The following TXNDC16 variants were observed in gnomAD, a reference collection of about 807,000 sequenced individuals.
TXNDC16 encodes thioredoxin domain containing 16.
In TXNDC16, 74 loss-of-function variants were observed where a neutral mutation model predicts 85.6. That is an observed-to-expected ratio of 0.86 (90% confidence interval 0.72 to 1.05). The LOEUF (loss-of-function observed/expected upper bound fraction) is 1.05, where lower values mean the gene tolerates loss of function less well. Ranked by LOEUF, TXNDC16 falls within the 50% of genes least tolerant of loss-of-function variation. The pLI is 0.00. For synonymous variants in TXNDC16, 335 were observed against 326.5 expected (o/e 1.03, Z -0.28); for missense variants, 959 against 947.0 (o/e 1.01, Z -0.17).
chr14:52,509,485 C>G (rs1219352507), intron 9 of TXNDC16, among the ~76,000 whole-genome samples: 1 of 118,642 alleles, frequency 8.4e-6, no homozygotes, highest in Non-Finnish European at 1.7e-5. Context: ...GACCTTTAAA[C>G]TGCTTTCTTT....
chr14:52,463,723 A>G (rs1370364900), intron 16 of TXNDC16, among the ~76,000 whole-genome samples: 1 of 152,208 alleles, frequency 6.6e-6, no homozygotes, highest in Non-Finnish European at 1.5e-5. Flanking sequence ...TTATAGAGAA[A>G]CCTTTAGTCT....
At chr14:52,485,914 A>T (rs1686697723) in intron 12 of TXNDC16, among the ~76,000 whole-genome samples, 2 of 152,078 alleles carry the variant, frequency 1.3e-5, no homozygotes, top group South Asian at 4.1e-4. Flanking sequence ...TTTCACTACA[A>T]CCTCAGCCAT....
rs2036944589 is a variant in TXNDC16, at chr14:52,511,174, G to T, written c.756+66C>A. The T allele has an allele frequency of 6.8e-6, 9 of 1,314,030 alleles. No homozygotes were observed. In the South Asian group the frequency reaches 1.9e-4, roughly 27 times the overall value. The allele number at this position is 1,314,030 out of a possible 1,614,324, so 81.4% of individuals were successfully genotyped here. ...CTTAACAAATTTTATGTTAAAATAA[G>T]ACACATACCTTTTGCAATTATACAG... On this transcript the variant is annotated intron_variant, in intron 9 of 20. Transcript: ENST00000281741.
In TXNDC16 at chr14:52,455,372, A is replaced by G. The variant is rs150548739; in HGVS notation, c.1794T>C (p.His598=). 1.4e-4 allele frequency: 230 copies of G among 1,614,004 alleles called. No individual in the cohort carries two copies. The highest frequency in any genetic ancestry group is 1.8e-4 in the Non-Finnish European group (217 of 1,179,900). Residue 598 remains histidine, a synonymous_variant, in exon 18 of 21, where the codon CAT becomes CAC. Coordinates refer to ENST00000281741, the MANE Select transcript of TXNDC16 (RefSeq NM_020784.3). Reference sequence around the variant, plus strand: ...TTATTATTTGAACTATGTCTTGTGCATGTGTGCTAGCTAGTGGGATGCTCT... The same window carrying G: ...TTATTATTTGAACTATGTCTTGTGCGTGTGTGCTAGCTAGTGGGATGCTCT... ...KIESIPLAST[H]AQDIVQIITD...
chr14:52,531,928 G>C (rs1197297142), intron 6 of TXNDC16, among the ~76,000 whole-genome samples: 1 of 152,046 alleles, frequency 6.6e-6, no homozygotes, highest in African/African-American at 2.4e-5. Flanking sequence ...TGTACTATCT[G>C]CTCAAATTTC....
At chr14:52,519,926 A>T (rs1439326941) in intron 6 of TXNDC16, among the ~76,000 whole-genome samples, 2 of 152,178 alleles carry the variant, frequency 1.3e-5, no homozygotes, top group Non-Finnish European at 2.9e-5. Flanking sequence ...ACTTATTACA[A>T]CTTATAATTA....
rs199871075 is a variant in TXNDC16 at position 52,488,831 on chromosome 14, G to GAAAAAAAAAAA, written c.985-356_985-346dup. Among the ~76,000 whole-genome samples the GAAAAAAAAAAA allele has an allele frequency of 7.5e-3, 673 of 89,560 alleles. 8 individuals carry two copies. The highest frequency in any genetic ancestry group is 0.013 in the Middle Eastern group (2 of 160). The allele number at this position is 89,560 out of a possible 152,430, so 58.8% of individuals were successfully genotyped here. ...CCTGGGCGACAAGGCGAGACTCTGGGAAAAAAAAAAAAAAAAAACAAGTTT... is the reference window on the plus strand; with the variant it reads ...CCTGGGCGACAAGGCGAGACTCTGGGAAAAAAAAAAAAAAAAAAAAAAAAAAAAACAAGTTT... On this transcript the variant is annotated intron_variant, in intron 11 of 20. Coordinates refer to ENST00000281741, the MANE Select transcript of TXNDC16 (RefSeq NM_020784.3).
At chr14:52,438,733 CTA>C (rs2035092881) in intron 20 of TXNDC16, among the ~76,000 whole-genome samples, 1 of 152,120 alleles carries the variant, frequency 6.6e-6, no homozygotes, top group Admixed American at 6.5e-5. Flanking sequence ...CAATAATGCA[CTA>C]TTTGTAAAAT....
At chr14:52,446,300 CAG>C (rs1457088167) in intron 18 of TXNDC16, among the ~76,000 whole-genome samples, 1 of 152,212 alleles carries the variant, frequency 6.6e-6, no homozygotes, top group Non-Finnish European at 1.5e-5. Flanking sequence ...GCATTGAACT[CAG>C]TGCTGCCCTG....
intron 6 of TXNDC16, among the ~76,000 whole-genome samples, chr14:52,526,138 T>C (rs1477659660): frequency 6.6e-6 from 1 of 152,170 alleles, no homozygotes; most frequent in Admixed American, 6.6e-5. Flanking sequence ...GAAGTAAAAT[T>C]TTCCTCACAT....
chr14:52,547,037 T>C (rs962323240), intron 1 of TXNDC16, among the ~76,000 whole-genome samples: 1 of 152,228 alleles, frequency 6.6e-6, no homozygotes, highest in South Asian at 2.1e-4. Context: ...GGAAGATAGA[T>C]TAGTACTGTG....
At chr14:52,522,454 A>C (rs760570374) in intron 6 of TXNDC16, among the ~76,000 whole-genome samples, 6 of 152,222 alleles carry the variant, frequency 3.9e-5, no homozygotes, top group Non-Finnish European at 7.3e-5. Context: ...CCTTGCTACA[A>C]GGCATGACTA....
intron 9 of TXNDC16, among the ~76,000 whole-genome samples, chr14:52,493,193 C>CTATATATATATATATATATATATA (rs555994196): frequency 7.9e-5 from 10 of 126,172 alleles, no homozygotes; most frequent in African/African-American, 3.3e-4. Context: ...TGTCACTGTT[C>CTATATATATATATATATATATATA]TATATATATA....
intron 16 of TXNDC16, among the ~76,000 whole-genome samples, chr14:52,469,563 T>C (rs924984167): frequency 1.3e-5 from 2 of 151,778 alleles, no homozygotes; most frequent in Non-Finnish European, 2.9e-5. Flanking sequence ...GCCAACATGG[T>C]GAAACCCCGT....
At chr14:52,528,104 A>C (rs1408149528) in intron 6 of TXNDC16, among the ~76,000 whole-genome samples, 3 of 152,186 alleles carry the variant, frequency 2.0e-5, no homozygotes, top group African/African-American at 7.2e-5. Flanking sequence ...CTCAGATTTT[A>C]CTAACTTAAT....
intron 16 of TXNDC16, among the ~76,000 whole-genome samples, chr14:52,465,240 A>C (rs1266273444): frequency 6.6e-6 from 1 of 152,206 alleles, no homozygotes; most frequent in Non-Finnish European, 1.5e-5. Flanking sequence ...ATCCAACTCA[A>C]GAAAAGAAAA....
intron 18 of TXNDC16, among the ~76,000 whole-genome samples, chr14:52,447,931 C>T (rs963745569): frequency 6.7e-6 from 1 of 149,162 alleles, no homozygotes; most frequent in Non-Finnish European, 1.5e-5. Context: ...CCTTTAAGAG[C>T]AGAAATGATC....
chr14:52,514,379 T>C (rs1001996543), intron 8 of TXNDC16, among the ~76,000 whole-genome samples: 6 of 152,190 alleles, frequency 3.9e-5, no homozygotes, highest in Non-Finnish European at 8.8e-5. Context: ...AAGAAAACTT[T>C]AACCCTAGGT....
At chr14:52,485,758 G>A (rs1483983802) in intron 12 of TXNDC16, among the ~76,000 whole-genome samples, 3 of 152,196 alleles carry the variant, frequency 2.0e-5, no homozygotes, top group South Asian at 4.1e-4. Flanking sequence ...CACCCTAGGT[G>A]TGTAATAGGC....
Sources: gnomAD v4.1 joint callset for allele counts (sites outside exome capture counted in the v4.1 genomes callset) on GRCh38, gnomAD v4.1.1 for gene constraint, MANE v1.5 for transcripts, NCBI Gene and HGNC (gene_info 2026-07-23, HGNC 2026-07-21) for gene names.